PBX1: variants seen among roughly 807,000 people sequenced by gnomAD.
The protein encoded by PBX1 is pre-B-cell leukemia transcription factor 1.
Under a neutral mutation model 53.4 loss-of-function variants are expected in PBX1, and 6 were observed. That is an observed-to-expected ratio of 0.11 (90% CI 0.06 to 0.22). The LOEUF (loss-of-function observed/expected upper bound fraction) is 0.22. Among genes scored for constraint, PBX1 ranks in the 10% least tolerant of loss-of-function variants. The pLI is 1.00. For synonymous variants in PBX1, 204 were observed against 212.3 expected (o/e 0.96, Z 0.34); for missense variants, 251 against 551.4 (o/e 0.46, Z 5.46).
At chr1:164,624,050 A>T (rs1054163421) in intron 2 of PBX1, among the ~76,000 whole-genome samples, 2 of 152,172 alleles carry the variant, frequency 1.3e-5, no homozygotes, top group Non-Finnish European at 2.9e-5. Flanking sequence ...GTGAGGGTCA[A>T]TCTTTCTTAT....
chr1:164,624,013 G>A (rs752257785), intron 2 of PBX1, among the ~76,000 whole-genome samples: 110 of 152,156 alleles, frequency 7.2e-4, no homozygotes, highest in Admixed American at 3.3e-3. Context: ...TGTATTGGGG[G>A]TGTGAATGCC....
chr1:164,807,722 G>A (rs779713094), intron 5 of PBX1, 45 bp downstream of exon 5: 28 of 1,602,230 alleles, frequency 1.7e-5, no homozygotes, highest in African/African-American at 6.7e-5. Context: ...TGGCCATGGC[G>A]GGGCCTCCGG....
chr1:164,624,696 T>A, intron 2 of PBX1, among the ~76,000 whole-genome samples: 1 of 152,372 alleles, frequency 6.6e-6, no homozygotes, highest in Admixed American at 6.5e-5. Flanking sequence ...GCACATTCAC[T>A]TAAACAAGCA....
chr1:164,776,976 A>AGAGATGG (rs1667698282), intron 2 of PBX1, among the ~76,000 whole-genome samples: 1 of 66,110 alleles, frequency 1.5e-5, no homozygotes, highest in African/African-American at 8.8e-5. Context: ...AGAGAGAGAG[A>AGAGATGG]GAGGAGGTGT....
intron 3 of PBX1, among the ~76,000 whole-genome samples, chr1:164,798,434 T>C (rs1571427702): frequency 6.6e-6 from 1 of 152,360 alleles, no homozygotes; most frequent in South Asian, 2.1e-4. Context: ...AGATGTTTTG[T>C]TGAATGCTCA....
At chr1:164,562,105 A>G (rs1297677022) in intron 1 of PBX1, among the ~76,000 whole-genome samples, 2 of 152,036 alleles carry the variant, frequency 1.3e-5, no homozygotes, top group African/African-American at 4.8e-5. Flanking sequence ...ACAAAAGTAA[A>G]CCATTAATAT....
chr1:164,763,604 G>A (rs531175963), intron 2 of PBX1, among the ~76,000 whole-genome samples: 5 of 152,304 alleles, frequency 3.3e-5, no homozygotes, highest in African/African-American at 1.2e-4. Flanking sequence ...AAGAAAGATA[G>A]ACCGAGGAGT....
intron 2 of PBX1, among the ~76,000 whole-genome samples, chr1:164,600,913 T>G (rs1328821565): frequency 6.6e-6 from 1 of 152,104 alleles, no homozygotes; most frequent in African/African-American, 2.4e-5. Flanking sequence ...TTGCATTTTA[T>G]AAAAATTGGA....
intron 2 of PBX1, among the ~76,000 whole-genome samples, chr1:164,633,387 T>A (rs1658539196): frequency 6.6e-6 from 1 of 152,166 alleles, no homozygotes; most frequent in Non-Finnish European, 1.5e-5. Context: ...TGACCTCAGG[T>A]GTTCCACCCA....
chr1:164,721,178 G>A (rs1244923162), intron 2 of PBX1, among the ~76,000 whole-genome samples: 1 of 152,176 alleles, frequency 6.6e-6, no homozygotes, highest in African/African-American at 2.4e-5. Context: ...TTTGCCTCTT[G>A]GCATCATCAT....
At chr1:164,784,510 G>A (rs915611492) in intron 2 of PBX1, among the ~76,000 whole-genome samples, 3 of 152,168 alleles carry the variant, frequency 2.0e-5, no homozygotes, top group Non-Finnish European at 2.9e-5. Context: ...GGAAAAAGAT[G>A]ACAAGAAAAA....
intron 2 of PBX1, among the ~76,000 whole-genome samples, chr1:164,777,559 A>G (rs1250388040): frequency 2.0e-5 from 3 of 152,230 alleles, no homozygotes; most frequent in East Asian, 3.8e-4. Flanking sequence ...TGGTATTTCA[A>G]AAGTCTAGGG....
At chr1:164,725,898 C>T (rs1664678156) in intron 2 of PBX1, among the ~76,000 whole-genome samples, 1 of 152,100 alleles carries the variant, frequency 6.6e-6, no homozygotes, top group Non-Finnish European at 1.5e-5. Context: ...GATTGGTTGT[C>T]TTATTTTTCA....
intron 2 of PBX1, among the ~76,000 whole-genome samples, chr1:164,748,513 A>G (rs938985312): frequency 6.6e-6 from 1 of 152,178 alleles, no homozygotes; most frequent in African/African-American, 2.4e-5. Flanking sequence ...TCTATCATCT[A>G]AGGTTAAATA....
In PBX1 at chr1:164,847,121, C is replaced by G; in HGVS notation, c.*445C>G. On this transcript the variant is annotated 3_prime_UTR_variant, in exon 9 of 9. Coordinates refer to ENST00000420696, the MANE Select transcript of PBX1 (RefSeq NM_002585.4). ...ATTTACCTCACTCGAATCCCTCACT[C>G]CCTATGTTAACAGGCAATCCTTCTC... The G allele has an allele frequency of 9.1e-7, 1 of 1,097,426 alleles. No homozygotes were observed. The highest frequency in any genetic ancestry group is 4.3e-5 in the East Asian group (1 of 23,310). 68.0% of individuals were successfully genotyped at this position (1,097,426 alleles called of 1,614,324 possible).
chr1:164,775,370 C>A, intron 2 of PBX1, among the ~76,000 whole-genome samples: 1 of 152,066 alleles, frequency 6.6e-6, no homozygotes, highest in African/African-American at 2.4e-5. Flanking sequence ...AGGACTATGG[C>A]GGGACAAGTT....
intron 2 of PBX1, among the ~76,000 whole-genome samples, chr1:164,764,754 A>G (rs982658747): frequency 6.6e-5 from 10 of 152,186 alleles, no homozygotes; most frequent in African/African-American, 2.4e-4. Flanking sequence ...AAATCTATAT[A>G]TATAACTTGA....
intron 2 of PBX1, among the ~76,000 whole-genome samples, chr1:164,614,011 G>A (rs755540323): frequency 2.6e-5 from 4 of 152,030 alleles, no homozygotes; most frequent in Admixed American, 6.6e-5. Context: ...CAACTCCCAG[G>A]ATGACCTTCC....
At chr1:164,765,367 A>G (rs1003926802) in intron 2 of PBX1, among the ~76,000 whole-genome samples, 8 of 152,228 alleles carry the variant, frequency 5.3e-5, no homozygotes, top group African/African-American at 1.9e-4. Flanking sequence ...TGAAGAACAC[A>G]GAATAATTTC....
Sources: gnomAD v4.1 joint callset for allele counts (sites outside exome capture counted in the v4.1 genomes callset) on GRCh38, gnomAD v4.1.1 for gene constraint, MANE v1.5 for transcripts, NCBI Gene and HGNC (gene_info 2026-07-23, HGNC 2026-07-21) for gene names.